FUCA2: variants seen among roughly 807,000 people sequenced by gnomAD.
FUCA2 encodes plasma alpha-L-fucosidase.
Under a neutral mutation model 52.6 loss-of-function variants are expected in FUCA2, and 41 were observed. The observed-to-expected ratio is 0.78, with a 90% CI of 0.61 to 1.01. The LOEUF (loss-of-function observed/expected upper bound fraction) is 1.01. Ranked by LOEUF, FUCA2 falls within the 50% of genes least tolerant of loss-of-function variation. The pLI, the probability that FUCA2 is intolerant of heterozygous loss-of-function variation, is 0.00. For missense variants in FUCA2, 507 were observed against 569.5 expected (o/e 0.89, Z 1.12); for synonymous variants, 211 against 217.3 (o/e 0.97, Z 0.26).
At position 143,495,950 on chromosome 6, in the gene FUCA2, CAA is replaced by C. The variant is rs1780453469; in HGVS notation, c.1264-105_1264-104del. 2 of 1,157,272 alleles carry C rather than the reference CAA, an allele frequency of 1.7e-6. No individual in the cohort carries two copies. Among genetic ancestry groups the C allele is most frequent in the African/African-American group, 1.5e-5 (1 of 65,000 alleles). The allele number at this position is 1,157,272 out of a possible 1,614,324, so 71.7% of individuals were successfully genotyped here. A position where few individuals can be genotyped will look rare whatever the true frequency, so the allele number is the denominator to read the frequency against. ...TTAGTAGTTCAAACAAAATTGTAGA[CAA>C]GAGGTTCATTTTTACCTTTATTTAG... is the stretch of plus-strand genomic sequence containing the variant. On this transcript the variant is annotated intron_variant, in intron 6 of 6. Transcript: ENST00000002165. This position sits in a 1 kb window ranked among gnomAD's most constrained non-coding sequence, Gnocchi z 5.2.
chr6:143,511,288 G>A lies in FUCA2; in HGVS notation c.224+123C>T, dbSNP rs1780679206. On this transcript the variant is annotated intron_variant, in intron 1 of 6. Coordinates refer to ENST00000002165, the MANE Select transcript of FUCA2 (RefSeq NM_032020.5). The surrounding 1 kb of genome is among the most constrained non-coding windows in gnomAD (Gnocchi z 6.3). ...AAGTGCGAAACGCGGGTAACGCAGT[G>A]GGAGGTGAAACCGACGAGGGTGCAG... 2.5e-6 allele frequency: 2 copies of A among 798,858 alleles called. No homozygotes were observed. Among genetic ancestry groups the A allele is most frequent in the South Asian group, 2.2e-5 (1 of 46,412 alleles). The allele number at this position is 798,858 out of a possible 1,614,324, so 49.5% of individuals were successfully genotyped here.
rs1388940816 is a variant in FUCA2, at chr6:143,507,630, C to T, written c.225-206G>A. ...TCCACCTATCCCCCTGTGATATCCA[C>T]TCAGCTCATAAACTAGAGCATTCTA... On this transcript the variant is annotated intron_variant, in intron 1 of 6. Transcript: ENST00000002165. The surrounding 1 kb of genome is among the most constrained non-coding windows in gnomAD (Gnocchi z 4.5). 6.6e-6 allele frequency among the ~76,000 whole-genome samples: 1 copy of T among 152,090 alleles called. No individual in the cohort carries two copies. Among genetic ancestry groups the T allele is most frequent in the East Asian group, 1.9e-4 (1 of 5,190 alleles).
rs1418567585 is a variant in FUCA2, at chr6:143,509,988, G to A, written c.224+1423C>T. On this transcript the variant is annotated intron_variant, in intron 1 of 6. Transcript: ENST00000002165. The surrounding 1 kb of genome is among the most constrained non-coding windows in gnomAD (Gnocchi z 5.4). ...GCCCTTTGTGCTGTTTCTTAGGAGAGAAGATGAAATTCCAGTATGAAAGGC... is the reference window on the plus strand; with the variant it reads ...GCCCTTTGTGCTGTTTCTTAGGAGAAAAGATGAAATTCCAGTATGAAAGGC... 6.6e-6 allele frequency among the ~76,000 whole-genome samples: 1 copy of A among 152,174 alleles called. No individual in the cohort carries two copies. The highest frequency in any genetic ancestry group is 6.5e-5 in the Admixed American group (1 of 15,280).
chr6:143,498,464 G>A (rs772684650), intron 5 of FUCA2, among the ~76,000 whole-genome samples: 3 of 152,172 alleles, frequency 2.0e-5, no homozygotes, highest in Non-Finnish European at 2.9e-5. Flanking sequence ...TCTTAGAGGT[G>A]GCATGGAAGA....
At chr6:143,506,097 G>A (rs1323936550) in intron 2 of FUCA2, 2 of 151,616 alleles carry the variant, frequency 1.3e-5, no homozygotes, top group Non-Finnish European at 2.9e-5. Flanking sequence ...TGGCCAAAGG[G>A]AAAAATATCC....
chr6:143,507,391 A>G lies in FUCA2; in HGVS notation c.258T>C (p.Tyr86=), dbSNP rs980272838. 28 of 1,602,784 alleles carry G rather than the reference A, an allele frequency of 1.7e-5. No homozygotes were observed. The highest frequency in any genetic ancestry group is 2.1e-5 in the Non-Finnish European group (25 of 1,177,378). The change falls in exon 2 of 7, where the codon TAT becomes TAC. Residue 86 remains tyrosine, a synonymous_variant. Transcript: ENST00000002165. This position sits in a 1 kb window ranked among gnomAD's most constrained non-coding sequence, Gnocchi z 4.5. ...WYWQKEKIPK[Y]VEFMKDNYPP... is the part of the protein sequence containing the mutation. ...GGTAATTATCTTTCATAAATTCCACATACTTCGGTATCTTTTCCTTTTGCC... is the reference window on the plus strand; with the variant it reads ...GGTAATTATCTTTCATAAATTCCACGTACTTCGGTATCTTTTCCTTTTGCC...
At chr6:143,506,491 G>C (rs1780610194) in intron 2 of FUCA2, 2 of 151,994 alleles carry the variant, frequency 1.3e-5, no homozygotes, top group African/African-American at 2.4e-5. Context: ...ACCACATCCA[G>C]TGCAAATTTT....
In FUCA2 at chr6:143,507,299, C is replaced by G; in HGVS notation, c.350G>C (p.Trp117Ser). ...ACCAGAGGCCTGAAAAATATCTGCC[C>G]ACTGGTTGGCATTAAAAAATTTTGC... ...FTAKFFNANQ[W>S]ADIFQASGAK... The change falls in exon 2 of 7, where the codon TGG (tryptophan) becomes TCG (serine). Residue 117 changes from tryptophan to serine, a missense_variant. Coordinates refer to ENST00000002165, the MANE Select transcript of FUCA2 (RefSeq NM_032020.5). This position sits in a 1 kb window ranked among gnomAD's most constrained non-coding sequence, Gnocchi z 4.5. 2.5e-6 allele frequency: 4 copies of G among 1,606,620 alleles called. No homozygotes were observed. Among genetic ancestry groups the G allele is most frequent in the Non-Finnish European group, 2.5e-6 (3 of 1,177,564 alleles).
Position 143,504,387 on chromosome 6 carries a change from G to T in FUCA2, c.413-135C>A. On this transcript the variant is annotated intron_variant, in intron 2 of 6. Coordinates refer to ENST00000002165, the MANE Select transcript of FUCA2 (RefSeq NM_032020.5). The surrounding 1 kb of genome is among the most constrained non-coding windows in gnomAD (Gnocchi z 4.4). ...CTGCTCCTACAAATGACTGTTTTAT[G>T]GCCATTTTTTCATAGCATATATTGT... 2 of 725,494 alleles carry T rather than the reference G, an allele frequency of 2.8e-6. No homozygotes were observed. Among genetic ancestry groups the T allele is most frequent in the Non-Finnish European group, 4.5e-6 (2 of 447,954 alleles). The allele number at this position is 725,494 out of a possible 1,614,324, so 44.9% of individuals were successfully genotyped here.
At position 143,503,210 on chromosome 6, in the gene FUCA2, G is replaced by A. The variant is rs909539894; in HGVS notation, c.753-645C>T. 4.6e-5 allele frequency: 7 copies of A among 152,586 alleles called. No homozygotes were observed. Among genetic ancestry groups the A allele is most frequent in the African/African-American group, 1.7e-4 (7 of 41,448 alleles). 9.5% of individuals were successfully genotyped at this position (152,586 alleles called of 1,614,324 possible). A position where few individuals can be genotyped will look rare whatever the true frequency, so the allele number is the denominator to read the frequency against. On this transcript the variant is annotated intron_variant, in intron 3 of 6. Coordinates refer to ENST00000002165, the MANE Select transcript of FUCA2 (RefSeq NM_032020.5). The surrounding 1 kb of genome is among the most constrained non-coding windows in gnomAD (Gnocchi z 4.8). Reference sequence around the variant, plus strand: ...GGAAGGAGTACCTGGACACACTGCTGTTTTAAGTATCAAGAGTTCTTCAGA... The same window carrying A: ...GGAAGGAGTACCTGGACACACTGCTATTTTAAGTATCAAGAGTTCTTCAGA...
rs755819872 is a variant in FUCA2 at position 143,497,424 on chromosome 6, G to A, written c.1228C>T (p.Leu410Phe). 2 of 1,613,854 alleles carry A rather than the reference G, an allele frequency of 1.2e-6. No individual in the cohort carries two copies. Among genetic ancestry groups the A allele is most frequent in the South Asian group, 1.1e-5 (1 of 91,078 alleles). Reference sequence around the variant, plus strand: ...CCCAGAATAGCTTTGGGATGGCCAAGGAACAGCTGTCCTGATGTGGGCCAT... The same window carrying A: ...CCCAGAATAGCTTTGGGATGGCCAAAGAACAGCTGTCCTGATGTGGGCCAT... ...LKWPTSGQLF[L>F]GHPKAILGAT... The change falls in exon 6 of 7, where the codon CTT becomes TTT. Residue 410 changes from leucine to phenylalanine, a missense_variant. Coordinates refer to ENST00000002165, the MANE Select transcript of FUCA2 (RefSeq NM_032020.5). The surrounding 1 kb of genome is among the most constrained non-coding windows in gnomAD (Gnocchi z 5.3).
chr6:143,504,619 A>G lies in FUCA2; in HGVS notation c.413-367T>C, dbSNP rs1780576207. ...CAAGGTATAAACAATCAACAATAGC[A>G]GCTCACAACTAAGATGGGAACATAT... On this transcript the variant is annotated intron_variant, in intron 2 of 6. Coordinates refer to ENST00000002165, the MANE Select transcript of FUCA2 (RefSeq NM_032020.5). This position sits in a 1 kb window ranked among gnomAD's most constrained non-coding sequence, Gnocchi z 4.4. The G allele has an allele frequency of 5.5e-6, 1 of 181,946 alleles. No homozygotes were observed. The highest frequency in any genetic ancestry group is 2.4e-5 in the African/African-American group (1 of 42,280). The allele number at this position is 181,946 out of a possible 1,614,324, so 11.3% of individuals were successfully genotyped here. A position where few individuals can be genotyped will look rare whatever the true frequency, so the allele number is the denominator to read the frequency against.
Position 143,500,364 on chromosome 6 carries a change from T to A in FUCA2, c.1154+1568A>T, listed in dbSNP as rs1780513842. Among the ~76,000 whole-genome samples the A allele has an allele frequency of 6.6e-6, 1 of 152,128 alleles. No homozygotes were observed. Among genetic ancestry groups the A allele is most frequent in the Admixed American group, 6.5e-5 (1 of 15,272 alleles). On this transcript the variant is annotated intron_variant, in intron 5 of 6. Coordinates refer to ENST00000002165, the MANE Select transcript of FUCA2 (RefSeq NM_032020.5). The surrounding 1 kb of genome is among the most constrained non-coding windows in gnomAD (Gnocchi z 6.9). The stretch of plus-strand genomic sequence containing the variant: ...AAGAAGTGGTAGGTAGATGGCAGAA[T>A]CCTTCAAACTGGAGCCGTGGAAGGG...
At position 143,510,677 on chromosome 6, in the gene FUCA2, T is replaced by C. The variant is rs191234973; in HGVS notation, c.224+734A>G. Reference sequence around the variant, plus strand: ...AAAGAATATATTATGTGTATGTTTCTATATATGCACACAAAATATTTCTGT... The same window carrying C: ...AAAGAATATATTATGTGTATGTTTCCATATATGCACACAAAATATTTCTGT... On this transcript the variant is annotated intron_variant, in intron 1 of 6. Coordinates refer to ENST00000002165, the MANE Select transcript of FUCA2 (RefSeq NM_032020.5). This position sits in a 1 kb window ranked among gnomAD's most constrained non-coding sequence, Gnocchi z 4.4. 2.0e-4 allele frequency among the ~76,000 whole-genome samples: 31 copies of C among 152,216 alleles called. No individual in the cohort carries two copies. Among genetic ancestry groups the C allele is most frequent in the Non-Finnish European group, 3.4e-4 (23 of 68,004 alleles).
rs1228003097 is a variant in FUCA2 at position 143,504,247 on chromosome 6, T to G, written c.418A>C (p.Thr140Pro). The change falls in exon 3 of 7, where the codon ACC (threonine) becomes CCC (proline). Residue 140 changes from threonine to proline, a missense_variant. Coordinates refer to ENST00000002165, the MANE Select transcript of FUCA2 (RefSeq NM_032020.5). The surrounding 1 kb of genome is among the most constrained non-coding windows in gnomAD (Gnocchi z 4.4). ...VLTSKHHEGF[T>P]LWGSEYSWNW... ...CACGAATATTCTGACCCCCACAAGG[T>G]AAAGCCTAGAAAATTATAGTGAAAA... The G allele has an allele frequency of 6.2e-7, 1 of 1,607,508 alleles. No homozygotes were observed. The highest frequency in any genetic ancestry group is 8.5e-7 in the Non-Finnish European group (1 of 1,177,500).
chr6:143,511,575 C>T lies in FUCA2; in HGVS notation c.60G>A (p.Leu20=). ...AFPLLLLLLL[L]LPPPPCPAHS... is the part of the protein sequence containing the mutation. The stretch of plus-strand genomic sequence containing the variant: ...GGGCAGGGCACGGCGGCGGCGGCAG[C>T]AGCAGCAACAGCAACAGCAGCAACG... The change falls in exon 1 of 7, where the codon CTG becomes CTA. Residue 20 remains leucine, a synonymous_variant. Coordinates refer to ENST00000002165, the MANE Select transcript of FUCA2 (RefSeq NM_032020.5). The surrounding 1 kb of genome is among the most constrained non-coding windows in gnomAD (Gnocchi z 6.3). 2 of 1,559,428 alleles carry T rather than the reference C, an allele frequency of 1.3e-6. No individual in the cohort carries two copies. Among genetic ancestry groups the T allele is most frequent in the Non-Finnish European group, 1.7e-6 (2 of 1,152,478 alleles).
Position 143,503,870 on chromosome 6 carries a change from A to T in FUCA2, c.752+43T>A, listed in dbSNP as rs1780563331. On this transcript the variant is annotated intron_variant, in intron 3 of 6. Coordinates refer to ENST00000002165, the MANE Select transcript of FUCA2 (RefSeq NM_032020.5). The surrounding 1 kb of genome is among the most constrained non-coding windows in gnomAD (Gnocchi z 4.8). ...GGAATTAAAATGTTAGAAATATATTAGGAATATGGAGGGTAACTGCAGCAA... is the reference window on the plus strand; with the variant it reads ...GGAATTAAAATGTTAGAAATATATTTGGAATATGGAGGGTAACTGCAGCAA... 1 of 1,387,216 alleles carries T rather than the reference A, an allele frequency of 7.2e-7. No individual in the cohort carries two copies. The highest frequency in any genetic ancestry group is 9.9e-7 in the Non-Finnish European group (1 of 1,006,770). 85.9% of individuals were successfully genotyped at this position (1,387,216 alleles called of 1,614,324 possible). A position where few individuals can be genotyped will look rare whatever the true frequency, so the allele number is the denominator to read the frequency against.
rs750441314 is a variant in FUCA2 at position 143,511,570 on chromosome 6, G to GGCAGCA, written c.59_64dup (p.Leu20_Leu21dup). 7,761 of 1,562,856 alleles carry GGCAGCA rather than the reference G, an allele frequency of 5.0e-3. 48 individuals carry two copies. Among genetic ancestry groups the GGCAGCA allele is most frequent in the Non-Finnish European group, 5.4e-3 (6,218 of 1,154,394 alleles). On this transcript the variant is annotated inframe_insertion, in exon 1 of 7. Transcript: ENST00000002165. The surrounding 1 kb of genome is among the most constrained non-coding windows in gnomAD (Gnocchi z 6.3). The stretch of plus-strand genomic sequence containing the variant: ...GCTGTGGGCAGGGCACGGCGGCGGC[G>GGCAGCA]GCAGCAGCAGCAACAGCAACAGCAG...
At chr6:143,505,694 T>G (rs1320287840) in intron 2 of FUCA2, 2 of 152,216 alleles carry the variant, frequency 1.3e-5, no homozygotes, top group Non-Finnish European at 2.9e-5. Context: ...CAGAGCAGTG[T>G]TGATATCTAA....
Sources: gnomAD v4.1 joint callset for allele counts (sites outside exome capture counted in the v4.1 genomes callset) on GRCh38, gnomAD v4.1.1 for gene constraint, Gnocchi (gnomAD v3.1) non-coding constraint, MANE v1.5 for transcripts, NCBI Gene and HGNC (gene_info 2026-07-23, HGNC 2026-07-21) for gene names.